ARHGEF7: variants seen among roughly 807,000 people sequenced by gnomAD.
ARHGEF7 encodes the protein Rho guanine nucleotide exchange factor 7, also known as PAK-interacting exchange factor beta.
Under a neutral mutation model 109.8 loss-of-function variants are expected in ARHGEF7, and 33 were observed. The ratio of observed to expected loss-of-function variants is 0.30; its 90% CI spans 0.23 to 0.40. The LOEUF (loss-of-function observed/expected upper bound fraction) is 0.40. Among genes scored for constraint, ARHGEF7 ranks in the 10% least tolerant of loss-of-function variants. The pLI, the probability that ARHGEF7 is intolerant of heterozygous loss-of-function variation, is 1.00. For synonymous variants in ARHGEF7, 458 were observed against 424.6 expected (o/e 1.08, Z -0.97); for missense variants, 938 against 1,098.5 (o/e 0.85, Z 2.07).
chr13:111,157,385 T>G (rs1415685405), intron 2 of ARHGEF7, among the ~76,000 whole-genome samples: 1 of 151,718 alleles, frequency 6.6e-6, no homozygotes, highest in Non-Finnish European at 1.5e-5. Flanking sequence ...TTAATAAGAA[T>G]AATGATGATG....
Position 111,290,800 on chromosome 13 carries a change from A to G in ARHGEF7, c.2135-1318A>G, listed in dbSNP as rs1028181184. ...GGCTTCAGGGAGCTTGCAGTCATAT[A>G]TGCCCTTTAAACCTAACACTCAAAA... On this transcript the variant is annotated intron_variant, in intron 18 of 21. Transcript: ENST00000646102. Among the ~76,000 whole-genome samples, 9 of 152,228 alleles carry G rather than the reference A, an allele frequency of 5.9e-5. No individual in the cohort carries two copies. The East Asian group carries it at 1.5e-3, about 26-fold the overall frequency.
At chr13:111,115,249 C>A, upstream of ARHGEF7, 1 of 147,770 alleles carries the variant, frequency 6.8e-6, no homozygotes, top group South Asian at 1.9e-4. Context: ...CGTCTTTCTT[C>A]TCCTGGCGGT....
chr13:111,189,374 T>G (rs961007124), intron 2 of ARHGEF7, among the ~76,000 whole-genome samples: 1 of 152,172 alleles, frequency 6.6e-6, no homozygotes, highest in Non-Finnish European at 1.5e-5. Context: ...TCCGGTGGGT[T>G]TGTGGTCTTG....
chr13:111,248,070 T>A (rs570885473), intron 8 of ARHGEF7, among the ~76,000 whole-genome samples: 1 of 152,350 alleles, frequency 6.6e-6, no homozygotes, highest in South Asian at 2.1e-4. Context: ...TTTAGTTTTT[T>A]GTAATTCAGG....
chr13:111,157,181 C>T (rs1891962), intron 2 of ARHGEF7, among the ~76,000 whole-genome samples: 129,103 of 152,150 alleles, frequency 0.85, 55,123 homozygotes, highest in South Asian at 0.94. Flanking sequence ...GGGTTTTAAG[C>T]TGGAAAACTT....
At chr13:111,277,117 C>G (rs528479851) in intron 12 of ARHGEF7, among the ~76,000 whole-genome samples, 26 of 152,296 alleles carry the variant, frequency 1.7e-4, no homozygotes, top group African/African-American at 4.6e-4. Context: ...TTTATCCTTT[C>G]TTTAGCTTAA....
intron 2 of ARHGEF7, among the ~76,000 whole-genome samples, chr13:111,189,472 T>A (rs1054738013): frequency 2.0e-5 from 3 of 151,894 alleles, no homozygotes; most frequent in Non-Finnish European, 4.4e-5. Flanking sequence ...TTCCTCAGAG[T>A]AGGTTCGTGG....
intron 2 of ARHGEF7, among the ~76,000 whole-genome samples, chr13:111,170,402 T>C (rs868644331): frequency 6.6e-6 from 1 of 152,260 alleles, no homozygotes; most frequent in Non-Finnish European, 1.5e-5. Flanking sequence ...CTGGCGCAGT[T>C]AGTCAATCTT....
At position 111,258,936 on chromosome 13, in the gene ARHGEF7, C is replaced by T. The variant is rs2090770716; in HGVS notation, c.951-8612C>T. On this transcript the variant is annotated intron_variant, in intron 8 of 21. Coordinates refer to ENST00000646102, the MANE Select transcript of ARHGEF7 (RefSeq NM_001354046.2). This position sits in a 1 kb window ranked among gnomAD's most constrained non-coding sequence, Gnocchi z 4.4. ...GCCTTGAAGGAACATTAGCAATAAA[C>T]AGGCAGTACTTGCTGCAGGCCCGGT... Among the ~76,000 whole-genome samples the T allele has an allele frequency of 6.6e-6, 1 of 152,058 alleles. No individual in the cohort carries two copies. Among genetic ancestry groups the T allele is most frequent in the South Asian group, 2.1e-4 (1 of 4,810 alleles).
Position 111,239,508 on chromosome 13 carries a change from A to G in ARHGEF7, c.760-4364A>G, listed in dbSNP as rs1350210312. Among the ~76,000 whole-genome samples the G allele has an allele frequency of 6.6e-6, 1 of 152,128 alleles. No homozygotes were observed. Among genetic ancestry groups the G allele is most frequent in the Admixed American group, 6.5e-5 (1 of 15,272 alleles). ...AGGGTGTCTTCGGTCTCCATCCATC[A>G]GCAGTGACCCTAAACCCTGGCGTTG... On this transcript the variant is annotated intron_variant, in intron 6 of 21. Transcript: ENST00000646102. This position sits in a 1 kb window ranked among gnomAD's most constrained non-coding sequence, Gnocchi z 4.3.
chr13:111,139,719 TAGGG>T (rs2075263024), intron 1 of ARHGEF7, among the ~76,000 whole-genome samples: 1 of 152,140 alleles, frequency 6.6e-6, no homozygotes, highest in African/African-American at 2.4e-5. Context: ...TCCTTAGTGA[TAGGG>T]AGGCAGGAGC....
intron 8 of ARHGEF7, among the ~76,000 whole-genome samples, chr13:111,257,541 A>C (rs1224144962): frequency 6.6e-6 from 1 of 152,204 alleles, no homozygotes; most frequent in Non-Finnish European, 1.5e-5. Flanking sequence ...CCAAATAGAA[A>C]CCTCCACTGA....
Position 111,280,597 on chromosome 13 carries a change from G to A in ARHGEF7, c.1645G>A (p.Val549Met), listed in dbSNP as rs116938571. ...CAACCAGCAGGATCTGCAGGAATGG[G>A]TGGAGCACCTACAGAAGCAAACGAA... ...CNNQQDLQEWVEHLQKQTKVT... is the reference protein window; with the variant it reads ...CNNQQDLQEWMEHLQKQTKVT... The change falls in exon 15 of 22, where the codon GTG becomes ATG. Residue 549 changes from valine to methionine, a missense_variant. Val to Met is a conservative substitution (Grantham distance 21). Around this residue, in one of 4 missense-constraint regions of ARHGEF7, gnomAD observed 585 missense variants for 723.6 expected, o/e 0.81. Transcript: ENST00000646102. 8,523 of 1,613,050 alleles carry A rather than the reference G, an allele frequency of 5.3e-3. 27 individuals are homozygous for A. Among genetic ancestry groups the A allele is most frequent in the Non-Finnish European group, 6.3e-3 (7,402 of 1,179,630 alleles).
intron 3 of ARHGEF7, among the ~76,000 whole-genome samples, chr13:111,208,450 T>G (rs1164149362): frequency 2.0e-5 from 3 of 152,342 alleles, no homozygotes; most frequent in African/African-American, 7.2e-5. Flanking sequence ...TTTCTGCTTC[T>G]GTCTCTTAAA....
At chr13:111,224,856 C>G (rs2084972279) in intron 5 of ARHGEF7, among the ~76,000 whole-genome samples, 1 of 152,128 alleles carries the variant, frequency 6.6e-6, no homozygotes, top group Non-Finnish European at 1.5e-5. Flanking sequence ...TTCCTCCTCT[C>G]CGGTGAGGAT....
chr13:111,241,174 C>G, intron 6 of ARHGEF7: 1 of 1,535,836 alleles, frequency 6.5e-7, no homozygotes, highest in African/African-American at 1.4e-5. Context: ...GTGGGCCTTT[C>G]TTCAGCACTG....
chr13:111,215,652 G>C (rs2083037665), intron 4 of ARHGEF7, among the ~76,000 whole-genome samples: 1 of 152,178 alleles, frequency 6.6e-6, no homozygotes, highest in African/African-American at 2.4e-5. Context: ...TCTTTGTTTA[G>C]TTTTCTGTGT....
chr13:111,296,346 C>CT (rs1160262287), intron 19 of ARHGEF7, among the ~76,000 whole-genome samples: 1 of 152,160 alleles, frequency 6.6e-6, no homozygotes, highest in Non-Finnish European at 1.5e-5. Flanking sequence ...GCTCACACCT[C>CT]TGAGTGTTGC....
At position 111,210,018 on chromosome 13, in the gene ARHGEF7, T is replaced by A. The variant is rs1469163685; in HGVS notation, c.468+16T>A. 1 of 1,614,140 alleles carries A rather than the reference T, an allele frequency of 6.2e-7. No individual in the cohort carries two copies. Among genetic ancestry groups the A allele is most frequent in the Non-Finnish European group, 8.5e-7 (1 of 1,179,996 alleles). On this transcript the variant is annotated intron_variant, in intron 4 of 21. Transcript: ENST00000646102. The stretch of plus-strand genomic sequence containing the variant: ...TCGGAGTTTGGTAAGTTTGAGAGAT[T>A]TTGTTACTTAAATATGTTTGGGAAG...
Sources: gnomAD v4.1 joint callset for allele counts (sites outside exome capture counted in the v4.1 genomes callset) on GRCh38, gnomAD v4.1.1 for gene constraint, gnomAD v4.1.1 regional missense constraint, Gnocchi (gnomAD v3.1) non-coding constraint, MANE v1.5 for transcripts, NCBI Gene and HGNC (gene_info 2026-07-23, HGNC 2026-07-21) for gene names.